SYT9: variants seen among roughly 807,000 people sequenced by gnomAD.
SYT9 encodes synaptotagmin-9.
SYT9 carries 22 observed loss-of-function variants against 48.4 expected under a neutral mutation model. That is an observed-to-expected ratio of 0.45 (90% CI 0.32 to 0.65). The LOEUF (loss-of-function observed/expected upper bound fraction) is 0.65. Among genes scored for constraint, SYT9 ranks in the 30% least tolerant of loss-of-function variants. SYT9 has a pLI of 0.03. For missense variants in SYT9, 577 were observed against 622.0 expected (o/e 0.93, Z 0.77); for synonymous variants, 265 against 245.0 (o/e 1.08, Z -0.76).
intron 3 of SYT9, among the ~76,000 whole-genome samples, chr11:7,332,485 G>A (rs1055188013): frequency 2.0e-5 from 3 of 152,228 alleles, no homozygotes; most frequent in Non-Finnish European, 4.4e-5. Flanking sequence ...AGTGTGACAG[G>A]ACAATGGGAA....
intron 3 of SYT9, among the ~76,000 whole-genome samples, chr11:7,371,809 G>A (rs907677547): frequency 6.6e-6 from 1 of 152,148 alleles, no homozygotes; most frequent in African/African-American, 2.4e-5. Flanking sequence ...GTTCATCTAT[G>A]CTGTGAGTGT....
rs142590497 is a variant in SYT9 at position 7,467,189 on chromosome 11, A to G, written c.*389A>G. On this transcript the variant is annotated 3_prime_UTR_variant, in exon 7 of 7. Transcript: ENST00000318881. ...TTATTCCAACATAATATTATTTTCT[A>G]GAATGCCCTGGAAGGACAGAATATT... 103 of 194,008 alleles carry G rather than the reference A, an allele frequency of 5.3e-4. No individual in the cohort carries two copies. Among genetic ancestry groups the G allele is most frequent in the African/African-American group, 2.3e-3 (101 of 43,112 alleles). 12.0% of individuals were successfully genotyped at this position (194,008 alleles called of 1,614,324 possible). A position where few individuals can be genotyped will look rare whatever the true frequency, so the allele number is the denominator to read the frequency against.
At chr11:7,423,811 A>C (rs966604813) in intron 6 of SYT9, among the ~76,000 whole-genome samples, 7 of 152,208 alleles carry the variant, frequency 4.6e-5, no homozygotes, top group African/African-American at 1.7e-4. Flanking sequence ...GGCTAAACAC[A>C]GATGCACATA....
chr11:7,260,197 A>G (rs1204370851), intron 1 of SYT9, among the ~76,000 whole-genome samples: 3 of 152,214 alleles, frequency 2.0e-5, no homozygotes, highest in East Asian at 1.9e-4. Context: ...TATGGAATTG[A>G]CATAAAACAA....
chr11:7,411,461 C>G (rs1847135311), intron 3 of SYT9, among the ~76,000 whole-genome samples: 1 of 152,164 alleles, frequency 6.6e-6, no homozygotes, highest in Non-Finnish European at 1.5e-5. Flanking sequence ...ATTTTCTTCT[C>G]TGGGAAGGAC....
At chr11:7,385,367 T>TGTGC (rs1554917003) in intron 3 of SYT9, among the ~76,000 whole-genome samples, 27 of 150,018 alleles carry the variant, frequency 1.8e-4, no homozygotes, top group African/African-American at 5.2e-4. Context: ...TGTGTGTGTG[T>TGTGC]GTGCGTGTGT....
At chr11:7,320,417 T>A (rs905787435) in intron 3 of SYT9, among the ~76,000 whole-genome samples, 5 of 152,202 alleles carry the variant, frequency 3.3e-5, no homozygotes, top group African/African-American at 1.2e-4. Flanking sequence ...TCCATGACAC[T>A]CTGTATTTCT....
At chr11:7,440,473 A>G (rs1241243790) in intron 6 of SYT9, 1 of 152,316 alleles carries the variant, frequency 6.6e-6, no homozygotes, top group Non-Finnish European at 1.5e-5. Context: ...TGGAGACCCA[A>G]AAGGTCTGAT....
intron 6 of SYT9, among the ~76,000 whole-genome samples, chr11:7,433,584 T>C (rs893804924): frequency 1.6e-4 from 24 of 152,092 alleles, no homozygotes; most frequent in African/African-American, 5.8e-4. Context: ...TGAAACCTAA[T>C]CCCCAATGTG....
At chr11:7,251,374 G>A (rs1220360167), upstream of SYT9, among the ~76,000 whole-genome samples, 1 of 152,142 alleles carries the variant, frequency 6.6e-6, no homozygotes, top group Admixed American at 6.5e-5. Flanking sequence ...TTTGATCTTA[G>A]TTCTGACCTA....
chr11:7,448,102 C>G (rs553282530), intron 6 of SYT9, among the ~76,000 whole-genome samples: 1 of 152,240 alleles, frequency 6.6e-6, no homozygotes, highest in African/African-American at 2.4e-5. Flanking sequence ...TTAAGCAAAG[C>G]CTTGACAGTC....
At chr11:7,415,853 G>T (rs925860207) in intron 3 of SYT9, among the ~76,000 whole-genome samples, 189 bp from the exon 4 acceptor site, 1 of 152,178 alleles carries the variant, frequency 6.6e-6, no homozygotes, top group African/African-American at 2.4e-5. Flanking sequence ...CCTCCTCAGG[G>T]TGAGGTGCTC....
chr11:7,452,516 C>T (rs918048270), intron 6 of SYT9, among the ~76,000 whole-genome samples: 69 of 152,188 alleles, frequency 4.5e-4, no homozygotes, highest in South Asian at 2.1e-4. Flanking sequence ...TGCTTCTATA[C>T]GGTCAAAATG....
chr11:7,443,594 C>T (rs780198017), intron 6 of SYT9, among the ~76,000 whole-genome samples: 1 of 152,240 alleles, frequency 6.6e-6, no homozygotes, highest in South Asian at 2.1e-4. Context: ...CTCATGTGCT[C>T]CGTTCTTCAC....
At chr11:7,285,356 G>A (rs530145844) in intron 1 of SYT9, among the ~76,000 whole-genome samples, 13 of 152,264 alleles carry the variant, frequency 8.5e-5, no homozygotes, top group South Asian at 6.2e-4. Flanking sequence ...GCAGAGTAAA[G>A]CAAGAGAAAA....
At chr11:7,379,944 A>G (rs560634765) in intron 3 of SYT9, among the ~76,000 whole-genome samples, 22 of 152,318 alleles carry the variant, frequency 1.4e-4, no homozygotes, top group African/African-American at 4.8e-4. Context: ...TGCTGGGTAT[A>G]TACCCAAAAG....
chr11:7,367,183 G>C (rs7940287), intron 3 of SYT9, among the ~76,000 whole-genome samples: 39,685 of 140,218 alleles, frequency 0.28, 6,412 homozygotes, highest in East Asian at 0.66. Flanking sequence ...CCGGGTTCAC[G>C]CCATTCTCCT....
chr11:7,377,940 C>T (rs1010330221), intron 3 of SYT9, among the ~76,000 whole-genome samples: 6 of 152,060 alleles, frequency 3.9e-5, no homozygotes, highest in Non-Finnish European at 8.8e-5. Flanking sequence ...AAGGCCATAG[C>T]CCAAGGTAAA....
At chr11:7,402,800 T>C (rs977784207) in intron 3 of SYT9, among the ~76,000 whole-genome samples, 6 of 152,198 alleles carry the variant, frequency 3.9e-5, no homozygotes, top group Non-Finnish European at 8.8e-5. Flanking sequence ...TTCTTTCAAC[T>C]GAAGTTATTA....
Sources: gnomAD v4.1 joint callset for allele counts (sites outside exome capture counted in the v4.1 genomes callset) on GRCh38, gnomAD v4.1.1 for gene constraint, MANE v1.5 for transcripts, NCBI Gene and HGNC (gene_info 2026-07-23, HGNC 2026-07-21) for gene names.